Variants in PTPRK observed in about 807,000 individuals in gnomAD.
PTPRK encodes the protein protein tyrosine phosphatase receptor type K, also known as receptor-type tyrosine-protein phosphatase kappa.
PTPRK carries 75 observed loss-of-function variants against 178.0 expected under a neutral mutation model. The observed-to-expected ratio is 0.42, with a 90% CI of 0.35 to 0.51. The LOEUF is 0.51. PTPRK is among the 20% of genes least tolerant of loss of function. The pLI is 0.02. For synonymous variants in PTPRK, 637 were observed against 620.6 expected, an observed-to-expected ratio of 1.03 and a Z score of -0.39; for missense variants, 1,441 against 1,797.8, an observed-to-expected ratio of 0.80 and a Z score of 3.59.
At position 128,009,115 on chromosome 6, in the gene PTPRK, A is replaced by G; in HGVS notation, c.2333+15T>C. ...AAATGGTAAGTGAGTGGGACAGGACAATATTAGGCCTTACCTCTTTTTTAC... is the reference window on the plus strand; with the variant it reads ...AAATGGTAAGTGAGTGGGACAGGACGATATTAGGCCTTACCTCTTTTTTAC... On this transcript the variant is annotated intron_variant, in intron 14 of 29. Transcript: ENST00000368226. 1 of 1,605,480 alleles carries G rather than the reference A, an allele frequency of 6.2e-7. No homozygotes were observed. The highest frequency in any genetic ancestry group is 8.5e-7 in the Non-Finnish European group (1 of 1,174,176).
chr6:128,498,038 T>TA lies in PTPRK; in HGVS notation c.100+22220dup, dbSNP rs576984605. Among the ~76,000 whole-genome samples the TA allele has an allele frequency of 6.0e-3, 897 of 150,640 alleles. 4 individuals carry two copies. Among genetic ancestry groups the TA allele is most frequent in the South Asian group, 0.028 (131 of 4,730 alleles). ...ATTAGCATAATGTTTGTCTGAGTTG[T>TA]AAAAAAAAACAAAAACAAAAGCAAA... On this transcript the variant is annotated intron_variant, in intron 1 of 29. Transcript: ENST00000368226.
At chr6:128,226,759 G>A (rs1210598483) in intron 5 of PTPRK, among the ~76,000 whole-genome samples, 1 of 49,882 alleles carries the variant, frequency 2.0e-5, no homozygotes, top group African/African-American at 7.0e-5. Context: ...TAATTATATA[G>A]ACATATATAT....
chr6:128,204,447 A>G (rs1806547181), intron 6 of PTPRK, among the ~76,000 whole-genome samples: 1 of 152,202 alleles, frequency 6.6e-6, no homozygotes, highest in Non-Finnish European at 1.5e-5. Context: ...GAACTTCTGC[A>G]CAGCAAAAGA....
intron 2 of PTPRK, among the ~76,000 whole-genome samples, chr6:128,387,282 T>C (rs1015261390): frequency 6.6e-6 from 1 of 152,210 alleles, no homozygotes; most frequent in African/African-American, 2.4e-5. Flanking sequence ...GAGTCACTAA[T>C]TACCACTGAT....
At chr6:128,224,160 C>T (rs1810881346) in intron 5 of PTPRK, among the ~76,000 whole-genome samples, 1 of 152,114 alleles carries the variant, frequency 6.6e-6, no homozygotes, top group Non-Finnish European at 1.5e-5. Flanking sequence ...AAAAATGAAT[C>T]ACACAAATAT....
At chr6:128,481,396 T>C (rs1049754301) in intron 1 of PTPRK, among the ~76,000 whole-genome samples, 3 of 152,192 alleles carry the variant, frequency 2.0e-5, no homozygotes, top group African/African-American at 7.2e-5. Context: ...CATTGATGGA[T>C]GTTTACAACT....
intron 6 of PTPRK, among the ~76,000 whole-genome samples, chr6:128,210,532 G>A (rs1302815823): frequency 6.6e-6 from 1 of 152,070 alleles, no homozygotes; most frequent in Non-Finnish European, 1.5e-5. Flanking sequence ...AAAAATACGC[G>A]AGGGTGGAAA....
chr6:128,224,721 A>T (rs1386824930), intron 5 of PTPRK, among the ~76,000 whole-genome samples: 1 of 152,180 alleles, frequency 6.6e-6, no homozygotes, highest in Non-Finnish European at 1.5e-5. Context: ...ATATGATAGG[A>T]ATTGGTCAAG....
intron 1 of PTPRK, among the ~76,000 whole-genome samples, chr6:128,497,008 G>A (rs1017293578): frequency 2.0e-5 from 3 of 152,032 alleles, no homozygotes; most frequent in African/African-American, 4.8e-5. Flanking sequence ...AATAAAAATC[G>A]TAACATCCAA....
chr6:127,991,951 C>T (rs1405826741), intron 19 of PTPRK, among the ~76,000 whole-genome samples: 1 of 151,732 alleles, frequency 6.6e-6, no homozygotes, highest in Non-Finnish European at 1.5e-5. Context: ...AAAGAGTACA[C>T]AACTGAACTC....
At chr6:128,504,232 A>G (rs1210726883) in intron 1 of PTPRK, among the ~76,000 whole-genome samples, 1 of 152,188 alleles carries the variant, frequency 6.6e-6, no homozygotes, top group African/African-American at 2.4e-5. Context: ...AAATGCTGAC[A>G]TGACATCCTG....
chr6:128,257,703 A>C (rs561932140), intron 3 of PTPRK, among the ~76,000 whole-genome samples: 39 of 152,302 alleles, frequency 2.6e-4, no homozygotes, highest in Non-Finnish European at 4.0e-4. Context: ...GCTTCACTTA[A>C]ATTTAATTTC....
intron 7 of PTPRK, among the ~76,000 whole-genome samples, chr6:128,135,269 T>C (rs1794860711): frequency 6.6e-6 from 1 of 152,174 alleles, no homozygotes; most frequent in African/African-American, 2.4e-5. Context: ...CCACTCTCAC[T>C]ATTCCTTGAA....
intron 1 of PTPRK, among the ~76,000 whole-genome samples, chr6:128,402,609 G>A (rs1327296181): frequency 6.6e-6 from 1 of 152,064 alleles, no homozygotes; most frequent in Non-Finnish European, 1.5e-5. Flanking sequence ...TGGGATATGC[G>A]AATCATTTTT....
In PTPRK at chr6:127,996,967, C is replaced by T; in HGVS notation, c.2701G>A (p.Ala901Thr). 1 of 1,611,686 alleles carries T rather than the reference C, an allele frequency of 6.2e-7. No individual in the cohort carries two copies. Among genetic ancestry groups the T allele is most frequent in the Non-Finnish European group, 8.5e-7 (1 of 1,178,712 alleles). ...TCTTTTTTAGCTACATCCCAAGATGCTGACTGTCCTTCAAAAAAGCTCTGG... is the reference window on the plus strand; with the variant it reads ...TCTTTTTTAGCTACATCCCAAGATGTTGACTGTCCTTCAAAAAAGCTCTGG... Reference protein sequence around the residue: ...EYESFFEGQSASWDVAKKDQN... With the variant: ...EYESFFEGQSTSWDVAKKDQN... Residue 901 changes from alanine to threonine, a missense_variant, in exon 17 of 30, where the codon GCA becomes ACA. Physicochemically the swap from Ala to Thr is moderately conservative, Grantham distance 58. Coordinates refer to ENST00000368226, the MANE Select transcript of PTPRK (RefSeq NM_002844.4).
At chr6:128,112,149 T>C (rs1790775970) in intron 7 of PTPRK, among the ~76,000 whole-genome samples, 1 of 152,136 alleles carries the variant, frequency 6.6e-6, no homozygotes, top group South Asian at 2.1e-4. Context: ...AATATGTTAA[T>C]TTTAGAAACT....
intron 7 of PTPRK, among the ~76,000 whole-genome samples, chr6:128,114,501 T>A (rs1791171890): frequency 6.6e-6 from 1 of 151,194 alleles, no homozygotes; most frequent in South Asian, 2.1e-4. Flanking sequence ...GCACTTGTAA[T>A]CCCAGCTACT....
intron 6 of PTPRK, among the ~76,000 whole-genome samples, chr6:128,191,373 T>G (rs1803755332): frequency 6.6e-6 from 1 of 151,584 alleles, no homozygotes; most frequent in Admixed American, 6.6e-5. Context: ...AAGCAGAGAG[T>G]AGAATGGTGG....
At chr6:128,417,745 A>G (rs1256424560) in intron 1 of PTPRK, among the ~76,000 whole-genome samples, 1 of 152,212 alleles carries the variant, frequency 6.6e-6, no homozygotes, top group Non-Finnish European at 1.5e-5. Flanking sequence ...ACTTTCTCAT[A>G]GCCAATAATA....
Sources: allele counts gnomAD v4.1 joint callset (sites outside exome capture counted in the v4.1 genomes callset), GRCh38; gene constraint gnomAD v4.1.1; transcripts MANE v1.5; gene names NCBI Gene and HGNC (gene_info 2026-07-23, HGNC 2026-07-21).